Variants in PDE1C observed in about 807,000 individuals in gnomAD.
PDE1C encodes dual specificity calcium/calmodulin-dependent 3',5'-cyclic nucleotide phosphodiesterase 1C.
A neutral mutation model predicts 93.1 loss-of-function variants in PDE1C; 62 were observed. The ratio of observed to expected loss-of-function variants is 0.67; its 90% CI spans 0.54 to 0.82. PDE1C has a LOEUF of 0.82. Ranked by LOEUF, PDE1C falls within the 40% of genes least tolerant of loss-of-function variation. The probability of loss-of-function intolerance (pLI) is 0.00; values close to 1 mark genes in which losing one functional copy is unlikely to be tolerated. For missense variants in PDE1C, 742 were observed against 884.6 expected (o/e 0.84, Z 2.04); for synonymous variants, 325 against 310.1 (o/e 1.05, Z -0.50).
At chr7:32,319,785 A>G (rs1332056051) in intron 1 of PDE1C, among the ~76,000 whole-genome samples, 1 of 152,254 alleles carries the variant, frequency 6.6e-6, no homozygotes, top group African/African-American at 2.4e-5. Flanking sequence ...CTGAAAAGTC[A>G]AATGGATTCT....
chr7:31,749,133 A>G (rs74464396), downstream of PDE1C, among the ~76,000 whole-genome samples: 2,319 of 152,258 alleles, frequency 0.015, 57 homozygotes, highest in African/African-American at 0.051. Flanking sequence ...TGTGCTCATG[A>G]TAAGGCTTAA....
the PDE1C span, among the ~76,000 whole-genome samples, chr7:31,645,577 C>G: frequency 1.3e-5 from 2 of 151,698 alleles, no homozygotes; most frequent in Admixed American, 1.3e-4. Flanking sequence ...ACAGTAGGGT[C>G]GTCATCACCA....
At chr7:32,013,717 T>A (rs1037638800) in intron 2 of PDE1C, among the ~76,000 whole-genome samples, 1 of 152,236 alleles carries the variant, frequency 6.6e-6, no homozygotes, top group Non-Finnish European at 1.5e-5. Flanking sequence ...GGCTAAATTG[T>A]GGGAGCTAAG....
At chr7:31,652,026 G>C in the PDE1C span, 5 of 1,601,528 alleles carry the variant, frequency 3.1e-6, no homozygotes, top group South Asian at 5.7e-5. Context: ...ACCGGGCTCA[G>C]CAAATCAGAG....
chr7:32,322,580 G>T (rs543206502), intron 1 of PDE1C, among the ~76,000 whole-genome samples: 2 of 151,924 alleles, frequency 1.3e-5, no homozygotes, highest in African/African-American at 4.8e-5. Context: ...CTCCAGCCTG[G>T]GTGACAGAGC....
chr7:32,210,864 G>C (rs1277645810), intron 1 of PDE1C, among the ~76,000 whole-genome samples: 1 of 152,126 alleles, frequency 6.6e-6, no homozygotes, highest in Non-Finnish European at 1.5e-5. Context: ...ATGACCAGCA[G>C]GGGGAGGCAA....
the PDE1C span, among the ~76,000 whole-genome samples, chr7:31,703,476 C>T: frequency 2.0e-5 from 3 of 152,324 alleles, no homozygotes; most frequent in South Asian, 6.2e-4. Context: ...ACCATAGCCT[C>T]TGTATGCATT....
In PDE1C at chr7:31,957,755, G is replaced by C. The variant is rs138216380; in HGVS notation, c.129-76895C>G. On this transcript the variant is annotated intron_variant, in intron 2 of 17. Coordinates refer to ENST00000396191, the MANE Select transcript of PDE1C (RefSeq NM_001191057.4). The stretch of plus-strand genomic sequence containing the variant: ...TCAGCAATTTCTTTCCAGATGTGGC[G>C]TTGGTATTGCTGGGTGGAATGGGGT... Among the ~76,000 whole-genome samples the C allele has an allele frequency of 3.3e-4, 51 of 152,258 alleles. 1 individual carries two copies. In the South Asian group the frequency reaches 0.01, roughly 30 times the overall value.
chr7:31,627,635 G>A, the PDE1C span, among the ~76,000 whole-genome samples: 1 of 111,538 alleles, frequency 9.0e-6, no homozygotes, highest in African/African-American at 3.4e-5. Flanking sequence ...AATCCAGCCT[G>A]AGCAACAGAG....
At chr7:31,913,774 A>T (rs1201168539) in intron 2 of PDE1C, among the ~76,000 whole-genome samples, 3 of 152,190 alleles carry the variant, frequency 2.0e-5, no homozygotes, top group African/African-American at 7.2e-5. Context: ...AGAGTTCTCC[A>T]ATCCCAGCCT....
chr7:32,266,879 G>A (rs1376412962), intron 1 of PDE1C, among the ~76,000 whole-genome samples: 2 of 130,036 alleles, frequency 1.5e-5, no homozygotes, highest in African/African-American at 5.7e-5. Flanking sequence ...TTTCAGAGCT[G>A]CAATGCCTGC....
intron 2 of PDE1C, among the ~76,000 whole-genome samples, chr7:32,032,658 A>G (rs1259289621): frequency 3.3e-5 from 5 of 152,130 alleles, no homozygotes; most frequent in Admixed American, 3.3e-4. Flanking sequence ...TCTTATGGTC[A>G]CATGCCGGGT....
chr7:32,052,419 C>T (rs1584613747), intron 1 of PDE1C: 1 of 449,468 alleles, frequency 2.2e-6, no homozygotes, highest in Non-Finnish European at 4.5e-6. Flanking sequence ...GTCCCAATAT[C>T]CCAAAGTTCT....
At chr7:31,794,089 C>CAGACAGATAGATAGATAGAT (rs1562808129) in intron 16 of PDE1C, among the ~76,000 whole-genome samples, 1 of 136,080 alleles carries the variant, frequency 7.3e-6, no homozygotes, top group African/African-American at 3.0e-5. Context: ...GACAGACAGA[C>CAGACAGATAGATAGATAGAT]AGATAGATAG....
chr7:31,903,719 C>T (rs1398090537), intron 2 of PDE1C, among the ~76,000 whole-genome samples: 5 of 152,050 alleles, frequency 3.3e-5, no homozygotes, highest in Non-Finnish European at 5.9e-5. Context: ...AAGACTGATT[C>T]CTTAAGAGAG....
At chr7:31,680,394 A>G in the PDE1C span, among the ~76,000 whole-genome samples, 15 of 152,228 alleles carry the variant, frequency 9.9e-5, no homozygotes, top group Non-Finnish European at 1.8e-4. Context: ...GAAGGCATCA[A>G]GCCTGTTATG....
chr7:32,413,824 G>T (rs1226028959), intron 1 of PDE1C, among the ~76,000 whole-genome samples: 1 of 152,190 alleles, frequency 6.6e-6, no homozygotes, highest in Non-Finnish European at 1.5e-5. Context: ...TAAGATTAGA[G>T]AAGTCATTAT....
upstream of PDE1C, chr7:32,070,645 T>A: frequency 4.3e-6 from 6 of 1,383,366 alleles, no homozygotes; most frequent in Non-Finnish European, 5.6e-6. Context: ...TGCCCAGGGA[T>A]AAGCACAGGG....
At chr7:31,663,456 T>C in the PDE1C span, among the ~76,000 whole-genome samples, 1 of 152,242 alleles carries the variant, frequency 6.6e-6, no homozygotes, top group African/African-American at 2.4e-5. Context: ...TGCAGTTTTT[T>C]CTGTTAACAG....
Sources: gnomAD v4.1 joint callset for allele counts (sites outside exome capture counted in the v4.1 genomes callset) on GRCh38, gnomAD v4.1.1 for gene constraint, MANE v1.5 for transcripts, NCBI Gene and HGNC (gene_info 2026-07-23, HGNC 2026-07-21) for gene names.